The following CCDC33 variants were observed in gnomAD, a reference collection of about 807,000 sequenced individuals.
The protein encoded by CCDC33 is coiled-coil domain containing 33.
Under a neutral mutation model 91.9 loss-of-function variants are expected in CCDC33, and 94 were observed. That is an observed-to-expected ratio of 1.02 (90% CI 0.87 to 1.21). CCDC33 has a LOEUF of 1.21. Among genes scored for constraint, CCDC33 ranks in the 50% most tolerant of loss-of-function variants. The pLI, the probability that CCDC33 is intolerant of heterozygous loss-of-function variation, is 0.00. For missense variants in CCDC33, 940 were observed against 935.5 expected (o/e 1.00, Z -0.06); for synonymous variants, 396 against 374.5 (o/e 1.06, Z -0.66).
chr15:74,269,192 A>G (rs913577878), intron 5 of CCDC33, among the ~76,000 whole-genome samples: 5 of 152,048 alleles, frequency 3.3e-5, no homozygotes, highest in African/African-American at 4.8e-5. Flanking sequence ...CAAACTGCCC[A>G]TGGGTGACAG....
intron 11 of CCDC33, among the ~76,000 whole-genome samples, chr15:74,310,338 ACCAT>A (rs897376642): frequency 1.3e-5 from 2 of 152,054 alleles, no homozygotes; most frequent in African/African-American, 4.8e-5. Flanking sequence ...AGAGATTGAG[ACCAT>A]CCTGAACAAC....
At chr15:74,291,380 A>G (rs1567005687) in intron 10 of CCDC33, among the ~76,000 whole-genome samples, 1 of 152,258 alleles carries the variant, frequency 6.6e-6, no homozygotes, top group Non-Finnish European at 1.5e-5. Context: ...ATCAGGGAGA[A>G]AATTGCATCA....
intron 2 of CCDC33, chr15:74,221,139 A>G (rs1216011652): frequency 1.1e-6 from 1 of 891,600 alleles, no homozygotes; most frequent in South Asian, 5.1e-5. Flanking sequence ...AGGCATTTCA[A>G]CAATTGAATC....
rs1007298649 is a variant in CCDC33 at position 74,249,272 on chromosome 15, G to A, written c.185+5124G>A. ...GAGGCCGAGGCGGATGGATCATGAG[G>A]TCAGGAGATCGAGATCATCCTAGCT... On this transcript the variant is annotated intron_variant, in intron 2 of 18. Coordinates refer to ENST00000398814, the MANE Select transcript of CCDC33 (RefSeq NM_025055.5). Among the ~76,000 whole-genome samples, 119 of 152,048 alleles carry A rather than the reference G, an allele frequency of 7.8e-4. 1 individual carries two copies. The highest frequency in any genetic ancestry group is 1.6e-4 in the Non-Finnish European group (11 of 68,026).
At chr15:74,315,169 C>T (rs1185738487) in intron 11 of CCDC33, among the ~76,000 whole-genome samples, 1 of 152,210 alleles carries the variant, frequency 6.6e-6, no homozygotes, top group Admixed American at 6.5e-5. Context: ...ACCAGGGAGG[C>T]ATCTGGACCT....
chr15:74,285,611 TAGTC>T (rs1329456729), intron 10 of CCDC33, among the ~76,000 whole-genome samples: 1 of 151,782 alleles, frequency 6.6e-6, no homozygotes, highest in African/African-American at 2.4e-5. Context: ...ATAGATCACA[TAGTC>T]AGCCAACACT....
rs561123277 is a variant in CCDC33 at position 74,256,369 on chromosome 15, G to A, written c.186-6071G>A. 4.6e-5 allele frequency among the ~76,000 whole-genome samples: 7 copies of A among 152,292 alleles called. No homozygotes were observed. In the South Asian group the frequency reaches 1.0e-3, roughly 23 times the overall value. On this transcript the variant is annotated intron_variant, in intron 2 of 18. Coordinates refer to ENST00000398814, the MANE Select transcript of CCDC33 (RefSeq NM_025055.5). ...TGATTTCTGTGAGGTCAGGAAGTTC[G>A]ACTTTATGTCTGGCCCACGTTCCTC...
chr15:74,217,192 C>T, upstream of CCDC33: 8 of 1,059,052 alleles, frequency 7.6e-6, no homozygotes, highest in Non-Finnish European at 9.7e-6. Context: ...ACCCAGCCTG[C>T]AGGCTTTCAG....
At chr15:74,209,293 ACAGGG>A (rs1190164227) in intron 1 of CCDC33, 3 of 1,393,710 alleles carry the variant, frequency 2.2e-6, no homozygotes, top group African/African-American at 1.4e-5. Flanking sequence ...AGAAGCCTGC[ACAGGG>A]CTTTGATGGC....
intron 11 of CCDC33, among the ~76,000 whole-genome samples, chr15:74,324,472 A>G (rs1331517663): frequency 6.6e-6 from 1 of 152,020 alleles, no homozygotes; most frequent in African/African-American, 2.4e-5. Flanking sequence ...CCAAGCCGCA[A>G]GACTCAAGCG....
chr15:74,315,024 T>C (rs1356778509), intron 11 of CCDC33, among the ~76,000 whole-genome samples: 1 of 152,164 alleles, frequency 6.6e-6, no homozygotes, highest in African/African-American at 2.4e-5. Context: ...GGTGGTTTTA[T>C]TGCGGGCAGT....
At chr15:74,217,646 T>G in intron 1 of CCDC33, 1 of 1,141,242 alleles carries the variant, frequency 8.8e-7, no homozygotes, top group Non-Finnish European at 1.1e-6. Flanking sequence ...AGTCCCTTTC[T>G]GGGACCCCAG....
intron 2 of CCDC33, among the ~76,000 whole-genome samples, chr15:74,219,124 G>C (rs2074522713): frequency 6.6e-6 from 1 of 152,238 alleles, no homozygotes; most frequent in Non-Finnish European, 1.5e-5. Context: ...CTGTGGGTTA[G>C]TGTCCCCTGA....
At chr15:74,230,133 G>A (rs1423094896) in intron 2 of CCDC33, among the ~76,000 whole-genome samples, 3 of 152,256 alleles carry the variant, frequency 2.0e-5, no homozygotes, top group Non-Finnish European at 4.4e-5. Flanking sequence ...GTGGGTGTGA[G>A]GGCCTGGGGT....
intron 2 of CCDC33, among the ~76,000 whole-genome samples, chr15:74,253,812 C>T (rs2075783038): frequency 6.6e-6 from 1 of 152,182 alleles, no homozygotes; most frequent in Non-Finnish European, 1.5e-5. Flanking sequence ...GCCCGTCCTA[C>T]TGATCTCTAC....
exon 2 of CCDC33, chr15:74,209,496 A>G: frequency 6.7e-7 from 1 of 1,492,106 alleles, no homozygotes; most frequent in Non-Finnish European, 9.0e-7. Context: ...GACCACAGCT[A>G]AGGGGAGTCA....
intron 11 of CCDC33, among the ~76,000 whole-genome samples, chr15:74,315,203 C>T (rs553142692): frequency 7.9e-5 from 12 of 152,322 alleles, no homozygotes; most frequent in South Asian, 2.1e-4. Context: ...GCTTCAAGCT[C>T]GAGTTGCGGG....
chr15:74,243,634 T>C (rs991511295), intron 1 of CCDC33: 1 of 457,934 alleles, frequency 2.2e-6, no homozygotes, highest in Non-Finnish European at 4.4e-6. Context: ...TGCTAGAGGG[T>C]GGCAGTGAAG....
intron 10 of CCDC33, among the ~76,000 whole-genome samples, chr15:74,291,967 A>G (rs2059592989): frequency 6.6e-6 from 1 of 152,240 alleles, no homozygotes; most frequent in African/African-American, 2.4e-5. Flanking sequence ...AGTGAGCTGA[A>G]TGCTGGGTCT....
Sources: allele counts gnomAD v4.1 joint callset (sites outside exome capture counted in the v4.1 genomes callset), GRCh38; gene constraint gnomAD v4.1.1; transcripts MANE v1.5; gene names NCBI Gene and HGNC (gene_info 2026-07-23, HGNC 2026-07-21).